ARHGAP6: variants seen among roughly 807,000 people sequenced by gnomAD.
The protein encoded by ARHGAP6 is rho GTPase-activating protein 6.
ARHGAP6 carries 16 observed loss-of-function variants against 55.7 expected under a neutral mutation model. The observed-to-expected ratio is 0.29, with a 90% CI of 0.19 to 0.44. ARHGAP6 has a LOEUF of 0.44. ARHGAP6 is among the 20% of genes least tolerant of loss of function. The pLI, the probability that ARHGAP6 is intolerant of heterozygous loss-of-function variation, is 1.00. For synonymous variants in ARHGAP6, 382 were observed against 360.9 expected (o/e 1.06, Z -0.66); for missense variants, 698 against 808.9 (o/e 0.86, Z 1.66).
intron 1 of ARHGAP6, among the ~76,000 whole-genome samples, chrX:11,382,942 G>A (rs2049279904): frequency 8.9e-6 from 1 of 112,367 alleles, no homozygotes. Context: ...AGAAGTGGAT[G>A]TGGCATCTCT....
intron 1 of ARHGAP6, among the ~76,000 whole-genome samples, chrX:11,393,370 A>C (rs1326636417): frequency 9.0e-6 from 1 of 111,726 alleles, no homozygotes; most frequent in Admixed American, 9.5e-5. Context: ...GATAATAATA[A>C]TATAACTAAC....
intron 1 of ARHGAP6, among the ~76,000 whole-genome samples, chrX:11,353,481 T>C (rs775361222): frequency 9.0e-6 from 1 of 110,886 alleles, no homozygotes; most frequent in African/African-American, 3.3e-5. Flanking sequence ...GTCTTTAGTA[T>C]TGAGCTATTT....
At chrX:11,409,476 C>T (rs994920685) in intron 1 of ARHGAP6, among the ~76,000 whole-genome samples, 18 of 111,666 alleles carry the variant, frequency 1.6e-4, no homozygotes, top group African/African-American at 5.9e-4. Flanking sequence ...AAGTGGATGA[C>T]CCCCTGCCAC....
chrX:11,190,482 C>CACACAT (rs1569248649), intron 3 of ARHGAP6, among the ~76,000 whole-genome samples: 7 of 53,616 alleles, frequency 1.3e-4, no homozygotes, highest in Non-Finnish European at 2.0e-4. Context: ...TATATATATA[C>CACACAT]ATATATCTAT....
intron 1 of ARHGAP6, among the ~76,000 whole-genome samples, chrX:11,514,128 C>T (rs1445666926): frequency 1.2e-5 from 1 of 84,716 alleles, no homozygotes; most frequent in African/African-American, 4.6e-5. Flanking sequence ...TGCCATTGTA[C>T]TCTAGCCTGG....
At chrX:11,179,808 G>A (rs2046290352) in intron 6 of ARHGAP6, among the ~76,000 whole-genome samples, 1 of 105,907 alleles carries the variant, frequency 9.4e-6, no homozygotes, top group African/African-American at 3.4e-5. Context: ...AAAACTATCT[G>A]TGGATTTATT....
intron 1 of ARHGAP6, among the ~76,000 whole-genome samples, chrX:11,574,811 G>T (rs1209065874): frequency 9.2e-6 from 1 of 108,303 alleles, no homozygotes; most frequent in South Asian, 4.1e-4. Context: ...TGACATGATT[G>T]TACATCTAGA....
intron 1 of ARHGAP6, among the ~76,000 whole-genome samples, chrX:11,312,378 A>G (rs945064971): frequency 8.9e-6 from 1 of 112,053 alleles, no homozygotes; most frequent in African/African-American, 3.2e-5. Flanking sequence ...TATTATCGTA[A>G]CAGCCCAAGC....
At chrX:11,473,461 G>A (rs771657897) in intron 1 of ARHGAP6, among the ~76,000 whole-genome samples, 1 of 111,376 alleles carries the variant, frequency 9.0e-6, no homozygotes, top group East Asian at 2.8e-4. Flanking sequence ...AATTTGTAAG[G>A]GTGTCCTTAC....
intron 1 of ARHGAP6, among the ~76,000 whole-genome samples, chrX:11,562,172 A>C (rs764725283): frequency 8.9e-6 from 1 of 112,476 alleles, no homozygotes; most frequent in South Asian, 3.7e-4. Context: ...GGATGACAAC[A>C]AAATGAATAG....
At chrX:11,281,057 CATA>C (rs1415773553) in intron 1 of ARHGAP6, among the ~76,000 whole-genome samples, 2 of 111,849 alleles carry the variant, frequency 1.8e-5, no homozygotes, top group Non-Finnish European at 3.8e-5. Context: ...TGGTATATCA[CATA>C]ATGGAAAACT....
At chrX:11,612,266 C>T (rs1282051021) in intron 1 of ARHGAP6, among the ~76,000 whole-genome samples, 1 of 111,953 alleles carries the variant, frequency 8.9e-6, no homozygotes, top group African/African-American at 3.2e-5. Context: ...AAATACTGTA[C>T]ACCCAACTGC....
At chrX:11,480,279 A>G (rs1195278953) in intron 1 of ARHGAP6, among the ~76,000 whole-genome samples, 1 of 112,223 alleles carries the variant, frequency 8.9e-6, no homozygotes, top group Non-Finnish European at 1.9e-5. Flanking sequence ...GTATAGATAT[A>G]TGATACGACA....
intron 1 of ARHGAP6, among the ~76,000 whole-genome samples, chrX:11,560,233 G>T (rs2051371314): frequency 9.0e-6 from 1 of 111,510 alleles, no homozygotes; most frequent in African/African-American, 3.3e-5. Flanking sequence ...TACCCAAGTT[G>T]TCTGTTGTAA....
chrX:11,188,856 G>A lies in ARHGAP6; in HGVS notation c.949C>T (p.Pro317Ser). The change falls in exon 4 of 13, where the codon CCA becomes TCA. Residue 317 changes from proline (P) to serine (S), a missense_variant. Coordinates refer to ENST00000337414, the MANE Select transcript of ARHGAP6 (RefSeq NM_013427.3). Reference sequence around the variant, plus strand: ...TTGTTTTGTCTTTTATTTCCAAATGGGAGGAGGGAAGCCACAAAGTCAGAT... The same window carrying A: ...TTGTTTTGTCTTTTATTTCCAAATGAGAGGAGGGAAGCCACAAAGTCAGAT... ...DASDFVASLL[P>S]FGNKRQNKEL... 4.1e-6 allele frequency: 5 copies of A among 1,211,543 alleles called. No individual in the cohort carries two copies. Among genetic ancestry groups the A allele is most frequent in the Non-Finnish European group, 5.6e-6 (5 of 895,514 alleles).
At chrX:11,521,849 G>A (rs1166865475) in intron 1 of ARHGAP6, among the ~76,000 whole-genome samples, 1 of 110,984 alleles carries the variant, frequency 9.0e-6, no homozygotes, top group East Asian at 2.8e-4. Flanking sequence ...AGTGGTTTGT[G>A]GTTCTCCTTG....
chrX:11,492,441 A>G (rs950461086), intron 1 of ARHGAP6, among the ~76,000 whole-genome samples: 1 of 111,816 alleles, frequency 8.9e-6, no homozygotes, highest in Non-Finnish European at 1.9e-5. Context: ...TGGCTTAAAA[A>G]GAAAACCCTA....
intron 2 of ARHGAP6, among the ~76,000 whole-genome samples, chrX:11,214,649 C>T (rs1326639748): frequency 8.8e-6 from 1 of 113,508 alleles, no homozygotes; most frequent in Non-Finnish European, 1.9e-5. Context: ...CCTGAGTCCA[C>T]AGCTACCATG....
chrX:11,349,559 A>T, intron 1 of ARHGAP6, among the ~76,000 whole-genome samples: 1 of 111,925 alleles, frequency 8.9e-6, no homozygotes, highest in Non-Finnish European at 1.9e-5. Context: ...ATGAGAGCAA[A>T]AAAAAAGAAT....
Sources: gnomAD v4.1 joint callset for allele counts (sites outside exome capture counted in the v4.1 genomes callset) on GRCh38, gnomAD v4.1.1 for gene constraint, MANE v1.5 for transcripts, NCBI Gene and HGNC (gene_info 2026-07-23, HGNC 2026-07-21) for gene names.